Variants in JMJD1C observed in about 807,000 individuals in gnomAD.
The protein encoded by JMJD1C is jumonji domain-containing protein 1C.
Under a neutral mutation model 245.3 loss-of-function variants are expected in JMJD1C, and 31 were observed. The ratio of observed to expected loss-of-function variants is 0.13; its 90% CI spans 0.09 to 0.17. JMJD1C has a LOEUF of 0.17. Ranked by LOEUF, JMJD1C falls within the 10% of genes least tolerant of loss-of-function variation. The probability of loss-of-function intolerance (pLI) is 1.00; values close to 1 mark genes in which losing one functional copy is unlikely to be tolerated. For synonymous variants in JMJD1C, 1,057 were observed against 1,017.4 expected (o/e 1.04, Z -0.74); for missense variants, 2,691 against 3,000.2 (o/e 0.90, Z 2.41).
At chr10:63,317,013 C>A (rs1309977510) in intron 2 of JMJD1C, among the ~76,000 whole-genome samples, 1 of 151,866 alleles carries the variant, frequency 6.6e-6, no homozygotes, top group Non-Finnish European at 1.5e-5. Context: ...GCGCATGCCA[C>A]TATGGCTGGC....
rs749176745 is a variant in JMJD1C, at chr10:63,200,539, C to T, written c.5213G>A (p.Arg1738His). 13 of 1,613,886 alleles carry T rather than the reference C, an allele frequency of 8.1e-6. No homozygotes were observed. The highest frequency in any genetic ancestry group is 1.0e-5 in the Non-Finnish European group (12 of 1,179,862). The stretch of plus-strand genomic sequence containing the variant: ...AGCTGGTTCTTCTCCTTTTTTACTG[C>T]GAATAAGTCTACATTCTCGACACTT... ...LQKCRECRLI[R>H]SKKGEEPAHS... Residue 1738 changes from arginine to histidine, a missense_variant, in exon 11 of 26, where the codon CGC becomes CAC. By Grantham distance (29) the Arg-to-His change is conservative (BLOSUM62 0). Transcript: ENST00000399262.
At chr10:63,270,802 C>T (rs939219853) in intron 2 of JMJD1C, among the ~76,000 whole-genome samples, 26 of 151,974 alleles carry the variant, frequency 1.7e-4, no homozygotes, top group African/African-American at 6.3e-4. Flanking sequence ...TGGAGACTTA[C>T]GTGATGATAT....
intron 2 of JMJD1C, among the ~76,000 whole-genome samples, chr10:63,282,276 T>C (rs1056672646): frequency 6.6e-6 from 1 of 152,254 alleles, no homozygotes; most frequent in Admixed American, 6.5e-5. Context: ...TTCCATTAAG[T>C]ATATGATACG....
chr10:63,290,412 T>C (rs1318563461), intron 2 of JMJD1C, among the ~76,000 whole-genome samples: 3 of 152,014 alleles, frequency 2.0e-5, no homozygotes, highest in Non-Finnish European at 2.9e-5. Flanking sequence ...CTATTAAAAA[T>C]TAGTCAGGCG....
At chr10:63,451,084 G>A (rs12415677) in intron 1 of JMJD1C, among the ~76,000 whole-genome samples, 21 of 151,996 alleles carry the variant, frequency 1.4e-4, no homozygotes, top group East Asian at 3.9e-4. Context: ...AAAATAATAC[G>A]TAAGAAACCA....
chr10:63,371,540 CCA>C (rs754388091), intron 2 of JMJD1C, among the ~76,000 whole-genome samples: 5 of 152,130 alleles, frequency 3.3e-5, no homozygotes, highest in Non-Finnish European at 5.9e-5. Context: ...GCAGCTCCCA[CCA>C]CAGTGTCTAA....
At chr10:63,198,073 A>G (rs937597490) in intron 12 of JMJD1C, among the ~76,000 whole-genome samples, 3 of 152,260 alleles carry the variant, frequency 2.0e-5, no homozygotes, top group Admixed American at 6.5e-5. Flanking sequence ...CATAATTAAC[A>G]TAACTACTTT....
chr10:63,214,546 C>T lies in JMJD1C; in HGVS notation c.1621G>A (p.Val541Ile). 6.2e-7 allele frequency: 1 copy of T among 1,613,918 alleles called. No homozygotes were observed. Among genetic ancestry groups the T allele is most frequent in the East Asian group, 2.2e-5 (1 of 44,868 alleles). ...LQTLQKMDPN[V>I]SDSKHSIANA... ...GCAATAGAGTGTTTTGAATCACTAACATTAGGATCCATTTTCTGAAGTGTC... is the reference window on the plus strand; with the variant it reads ...GCAATAGAGTGTTTTGAATCACTAATATTAGGATCCATTTTCTGAAGTGTC... The change falls in exon 8 of 26, where the codon GTT (valine) becomes ATT (isoleucine). Residue 541 changes from valine (V) to isoleucine (I), a missense_variant. Physicochemically the swap from Val to Ile is conservative, Grantham distance 29 (BLOSUM62 3). This residue lies in a region of JMJD1C where 1,562 missense variants were observed against 1,490.7 expected (regional missense o/e 1.05). Transcript: ENST00000399262.
At position 63,214,698 on chromosome 10, in the gene JMJD1C, G is replaced by A; in HGVS notation, c.1469C>T (p.Thr490Ile). Residue 490 changes from threonine to isoleucine, a missense_variant, in exon 8 of 26, where the codon ACC (threonine) becomes ATC (isoleucine). Physicochemically the swap from Thr to Ile is moderately conservative, Grantham distance 89 (BLOSUM62 -1). This residue lies in a region of JMJD1C where 1,562 missense variants were observed against 1,490.7 expected (regional missense o/e 1.05). Coordinates refer to ENST00000399262, the MANE Select transcript of JMJD1C (RefSeq NM_032776.3). ...CTTCTCCTTTGGTAGCAATTCCATG[G>A]TATGTGTTTTATCCATATTGCATTC... ...PQECNMDKTH[T>I]MELLPKEKFV... The A allele has an allele frequency of 1.9e-6, 3 of 1,613,806 alleles. No homozygotes were observed. Among genetic ancestry groups the A allele is most frequent in the Non-Finnish European group, 2.5e-6 (3 of 1,179,778 alleles).
In JMJD1C at chr10:63,228,111, C is replaced by T. The variant is rs75321614; in HGVS notation, c.448-8128G>A. On this transcript the variant is annotated intron_variant, in intron 3 of 25. Coordinates refer to ENST00000399262, the MANE Select transcript of JMJD1C (RefSeq NM_032776.3). ...ATGAATTATAATAAGGGCTAGCAAA[C>T]ATTTTTTGTAAATGGCCAGAAAGTT... Among the ~76,000 whole-genome samples, 760 of 152,242 alleles carry T rather than the reference C, an allele frequency of 5.0e-3. 6 individuals are homozygous for T. Among genetic ancestry groups the T allele is most frequent in the African/African-American group, 0.018 (731 of 41,528 alleles).
chr10:63,501,872 A>G (rs971274712), intron 1 of JMJD1C, among the ~76,000 whole-genome samples: 3 of 152,238 alleles, frequency 2.0e-5, no homozygotes, highest in Non-Finnish European at 4.4e-5. Context: ...TCACCTATGA[A>G]CAAACTGATA....
chr10:63,506,631 T>C (rs1245313936), intron 1 of JMJD1C, among the ~76,000 whole-genome samples: 2 of 152,206 alleles, frequency 1.3e-5, no homozygotes, highest in Non-Finnish European at 2.9e-5. Context: ...AAGACTGTTT[T>C]AGGGTCACAG....
intron 2 of JMJD1C, among the ~76,000 whole-genome samples, chr10:63,286,613 C>T (rs900027260): frequency 6.6e-6 from 1 of 152,190 alleles, no homozygotes; most frequent in Non-Finnish European, 1.5e-5. Context: ...CAGTATGTAG[C>T]TCTTTGAACC....
intron 2 of JMJD1C, among the ~76,000 whole-genome samples, chr10:63,366,338 G>A (rs1945838329): frequency 1.3e-5 from 2 of 152,102 alleles, no homozygotes; most frequent in Admixed American, 6.5e-5. Context: ...CACAGAGAGA[G>A]GGCAATCAGA....
At chr10:63,482,523 C>A (rs1953861360) in intron 1 of JMJD1C, among the ~76,000 whole-genome samples, 1 of 152,092 alleles carries the variant, frequency 6.6e-6, no homozygotes, top group African/African-American at 2.4e-5. Context: ...GTAGTCCTAG[C>A]TACTCAGGAG....
Position 63,214,500 on chromosome 10 carries a change from G to A in JMJD1C, c.1667C>T (p.Thr556Ile), listed in dbSNP as rs374005036. 6.2e-7 allele frequency: 1 copy of A among 1,613,488 alleles called. No individual in the cohort carries two copies. Among genetic ancestry groups the A allele is most frequent in the South Asian group, 1.1e-5 (1 of 90,982 alleles). ...GCTCTGGTCAGAATCTTTTTTTGCT[G>A]TTTCCAAGAATTTTGCATTTGCAAT... ...HSIANAKFLE[T>I]AKKDSDQSWV... Residue 556 changes from threonine to isoleucine, a missense_variant, in exon 8 of 26, where the codon ACA becomes ATA. This residue lies in a region of JMJD1C where 1,562 missense variants were observed against 1,490.7 expected (regional missense o/e 1.05). Transcript: ENST00000399262.
At chr10:63,422,220 T>C (rs1372860382) in intron 1 of JMJD1C, among the ~76,000 whole-genome samples, 4 of 152,184 alleles carry the variant, frequency 2.6e-5, no homozygotes, top group Non-Finnish European at 5.9e-5. Flanking sequence ...AAGACCAGCC[T>C]GGTCAACATG....
intron 1 of JMJD1C, among the ~76,000 whole-genome samples, chr10:63,430,520 G>C (rs1950684912): frequency 1.3e-5 from 2 of 152,164 alleles, no homozygotes. Context: ...CATTTATATG[G>C]AATGTTCACA....
At chr10:63,281,632 G>T (rs12267005) in intron 2 of JMJD1C, among the ~76,000 whole-genome samples, 21,221 of 150,758 alleles carry the variant, frequency 0.14, 3,410 homozygotes, top group African/African-American at 0.4. Flanking sequence ...CACCACACTT[G>T]GCTAACTTTT....
Sources: allele counts gnomAD v4.1 joint callset (sites outside exome capture counted in the v4.1 genomes callset), GRCh38; gene constraint gnomAD v4.1.1; regional missense constraint gnomAD v4.1.1; transcripts MANE v1.5; gene names NCBI Gene and HGNC (gene_info 2026-07-23, HGNC 2026-07-21).